Variants in MCPH1 observed in about 807,000 individuals in gnomAD.
MCPH1 encodes the protein microcephalin.
MCPH1 carries 104 observed loss-of-function variants against 84.5 expected under a neutral mutation model. That is an observed-to-expected ratio of 1.23 (90% CI 1.05 to 1.45). The LOEUF (loss-of-function observed/expected upper bound fraction) is 1.45. Ranked by LOEUF, MCPH1 falls within the 40% of genes most tolerant of loss-of-function variation. The pLI, the probability that MCPH1 is intolerant of heterozygous loss-of-function variation, is 0.00. For missense variants in MCPH1, 1,498 were observed against 1,005.7 expected, an observed-to-expected ratio of 1.49 and a Z score of -6.62; for synonymous variants, 514 against 366.8, an observed-to-expected ratio of 1.40 and a Z score of -4.58.
chr8:6,527,899 A>ATTT (rs71213313), intron 12 of MCPH1, among the ~76,000 whole-genome samples: 13 of 133,118 alleles, frequency 9.8e-5, no homozygotes, highest in African/African-American at 1.6e-4. Flanking sequence ...CCACGTCTCT[A>ATTT]TTTTTTTTTT....
At chr8:6,636,170 C>G (rs1797539217) in intron 13 of MCPH1, among the ~76,000 whole-genome samples, 1 of 152,058 alleles carries the variant, frequency 6.6e-6, no homozygotes. Context: ...AAAACCCCAT[C>G]TCTACTAAAA....
intron 2 of MCPH1, among the ~76,000 whole-genome samples, chr8:6,413,788 T>A (rs1798865827): frequency 6.6e-6 from 1 of 151,444 alleles, no homozygotes; most frequent in African/African-American, 2.4e-5. Flanking sequence ...GGAGTCTTGC[T>A]GTGTTACCCA....
rs1274804405 is a variant in MCPH1 at position 6,648,271 on chromosome 8, G to A, written c.*5222G>A. ...TGTCAGACCTCCACAGTGGCCAGAA[G>A]GTTTTCCATACCTGAGCCTGCTTCT... On this transcript the variant is annotated 3_prime_UTR_variant, in exon 14 of 14. Transcript: ENST00000344683. 2 of 152,246 alleles carry A rather than the reference G, an allele frequency of 1.3e-5. No homozygotes were observed. The highest frequency in any genetic ancestry group is 6.5e-5 in the Admixed American group (1 of 15,270). 9.4% of individuals were successfully genotyped at this position (152,246 alleles called of 1,614,324 possible).
chr8:6,513,985 C>T (rs1815720201), intron 12 of MCPH1: 1 of 798,466 alleles, frequency 1.3e-6, no homozygotes, highest in African/African-American at 1.8e-5. Context: ...TAGGGTCCTT[C>T]CCAAAGGAAA....
At chr8:6,638,920 T>C (rs1797745775) in intron 13 of MCPH1, among the ~76,000 whole-genome samples, 2 of 152,090 alleles carry the variant, frequency 1.3e-5, no homozygotes, top group Non-Finnish European at 2.9e-5. Context: ...CCTCCCAGAG[T>C]GCTGCCCGCA....
At chr8:6,490,375 G>A (rs1810423140) in intron 11 of MCPH1, among the ~76,000 whole-genome samples, 1 of 152,134 alleles carries the variant, frequency 6.6e-6, no homozygotes, top group Non-Finnish European at 1.5e-5. Context: ...ATGTCATTTA[G>A]ATGTTCCTCA....
intron 3 of MCPH1, among the ~76,000 whole-genome samples, chr8:6,418,646 G>T (rs1019053028): frequency 6.6e-6 from 1 of 151,974 alleles, no homozygotes; most frequent in African/African-American, 2.4e-5. Context: ...GCAGTGGCGC[G>T]ATCTGTGCTC....
intron 12 of MCPH1, among the ~76,000 whole-genome samples, chr8:6,560,641 C>G (rs1052832909): frequency 6.6e-6 from 1 of 152,226 alleles, no homozygotes; most frequent in African/African-American, 2.4e-5. Flanking sequence ...TTTAGCTAGA[C>G]AGCTGAAGAC....
intron 12 of MCPH1, among the ~76,000 whole-genome samples, chr8:6,550,866 G>C (rs1445700086): frequency 1.3e-5 from 2 of 152,200 alleles, no homozygotes; most frequent in Admixed American, 6.5e-5. Context: ...TGCCACCACA[G>C]TGATGGTCAG....
intron 12 of MCPH1, among the ~76,000 whole-genome samples, chr8:6,591,151 C>T (rs547747482): frequency 3.0e-4 from 46 of 152,368 alleles, no homozygotes; most frequent in Non-Finnish European, 5.9e-4. Context: ...CCCGCCTTGG[C>T]CTCCCAACGT....
chr8:6,529,920 C>T (rs1819141326), intron 12 of MCPH1, among the ~76,000 whole-genome samples: 1 of 151,302 alleles, frequency 6.6e-6, no homozygotes. Context: ...ACAAGTACAT[C>T]AAATGCTATG....
intron 12 of MCPH1, among the ~76,000 whole-genome samples, chr8:6,544,011 C>A (rs1422047563): frequency 6.6e-6 from 1 of 152,154 alleles, no homozygotes; most frequent in Non-Finnish European, 1.5e-5. Flanking sequence ...TAGATCTGAT[C>A]AGCAGTAGAA....
At chr8:6,493,292 A>T (rs1358394372) in intron 11 of MCPH1, among the ~76,000 whole-genome samples, 1 of 152,176 alleles carries the variant, frequency 6.6e-6, no homozygotes, top group Non-Finnish European at 1.5e-5. Flanking sequence ...CATTTTTGAA[A>T]ACTGGAAAGG....
At chr8:6,605,515 C>G (rs762943619) in intron 12 of MCPH1, among the ~76,000 whole-genome samples, 1 of 152,180 alleles carries the variant, frequency 6.6e-6, no homozygotes, top group Non-Finnish European at 1.5e-5. Context: ...CAAGATGTAA[C>G]TGTAAACCTC....
chr8:6,411,368 A>ATAAC (rs1798514788), intron 2 of MCPH1, among the ~76,000 whole-genome samples: 1 of 152,202 alleles, frequency 6.6e-6, no homozygotes. Context: ...AAATAAATAA[A>ATAAC]TAACAAAAAG....
chr8:6,555,659 C>A (rs1351046856), intron 12 of MCPH1, among the ~76,000 whole-genome samples: 1 of 152,052 alleles, frequency 6.6e-6, no homozygotes, highest in Non-Finnish European at 1.5e-5. Context: ...GACGGGGTTT[C>A]ATCGTGTTGG....
intron 12 of MCPH1, among the ~76,000 whole-genome samples, chr8:6,530,371 T>C (rs1300107589): frequency 6.6e-6 from 1 of 152,004 alleles, no homozygotes; most frequent in Non-Finnish European, 1.5e-5. Flanking sequence ...TAGCCAGGTG[T>C]GGTAGCCTGC....
rs199594859 is a variant in MCPH1 at position 6,470,336 on chromosome 8, TG to T, written c.1936-7257del. ...TCTCGCTCTGTCACCCAGGCTGGAG[TG>T]CAGTGGCGCGATCTCCGCTCACTGC... On this transcript the variant is annotated intron_variant, in intron 9 of 13. Transcript: ENST00000344683. Among the ~76,000 whole-genome samples the T allele has an allele frequency of 1.2e-3, 181 of 152,274 alleles. 5 individuals carry two copies. The East Asian group carries it at 0.028, about 24-fold the overall frequency.
At chr8:6,560,427 G>A (rs1321135448) in intron 12 of MCPH1, among the ~76,000 whole-genome samples, 2 of 152,088 alleles carry the variant, frequency 1.3e-5, no homozygotes, top group African/African-American at 2.4e-5. Context: ...CAAAACACAG[G>A]AGAAAAACAA....
Sources: allele counts gnomAD v4.1 joint callset (sites outside exome capture counted in the v4.1 genomes callset), GRCh38; gene constraint gnomAD v4.1.1; transcripts MANE v1.5; gene names NCBI Gene and HGNC (gene_info 2026-07-23, HGNC 2026-07-21).